The following SYNRG variants were observed in gnomAD, a reference collection of about 807,000 sequenced individuals.
SYNRG encodes AP1 gamma subunit binding protein 1.
A neutral mutation model predicts 130.9 loss-of-function variants in SYNRG; 37 were observed. That is an observed-to-expected ratio of 0.28 (90% CI 0.22 to 0.37). The LOEUF is 0.37. Ranked by LOEUF, SYNRG falls within the 10% of genes least tolerant of loss-of-function variation. The pLI, the probability that SYNRG is intolerant of heterozygous loss-of-function variation, is 1.00. For synonymous variants in SYNRG, 539 were observed against 568.1 expected (o/e 0.95, Z 0.73); for missense variants, 1,338 against 1,588.9 (o/e 0.84, Z 2.68).
rs1273854691 is a variant in SYNRG at position 37,518,943 on chromosome 17, G to A, written c.3942C>T (p.Leu1314=). 3 of 1,613,718 alleles carry A rather than the reference G, an allele frequency of 1.9e-6. No individual in the cohort carries two copies. Among genetic ancestry groups the A allele is most frequent in the Non-Finnish European group, 2.5e-6 (3 of 1,179,910 alleles). Residue 1314 remains leucine (L), a synonymous_variant, in exon 22 of 22, where the codon CTC becomes CTT. Transcript: ENST00000612223. The part of the protein sequence containing the change: ...KPPGLVLPDL[L] ...CAATGCTTCACAGAGGAGTTGTTCA[G>A]AGCAGGTCAGGCAGGACGAGGCCAG... is the stretch of plus-strand genomic sequence containing the variant.
At chr17:37,541,936 A>T in intron 15 of SYNRG, 36 bp downstream of exon 15, 1 of 1,570,394 alleles carries the variant, frequency 6.4e-7, no homozygotes, top group Non-Finnish European at 8.7e-7. Context: ...GTGGAAAAAA[A>T]CCACAATAGT....
intron 3 of SYNRG, among the ~76,000 whole-genome samples, chr17:37,595,002 C>G (rs1284598162): frequency 6.6e-6 from 1 of 152,182 alleles, no homozygotes; most frequent in African/African-American, 2.4e-5. Context: ...GGAGCAGAGT[C>G]AGCACTAACC....
chr17:37,607,955 C>CAAAAAAAAAAAAAAAAAAAAAAAAA (rs67822733), intron 1 of SYNRG, among the ~76,000 whole-genome samples: 1 of 51,122 alleles, frequency 2.0e-5, no homozygotes, highest in Non-Finnish European at 4.4e-5. Flanking sequence ...GACTTCCTCT[C>CAAAAAAAAAAAAAAAAAAAAAAAAA]AAAAAAAAAA....
intron 14 of SYNRG, among the ~76,000 whole-genome samples, chr17:37,547,802 TGAACAACAGAGTGACTATA>T (rs1190624049): frequency 6.6e-6 from 1 of 152,202 alleles, no homozygotes; most frequent in African/African-American, 2.4e-5. Context: ...GATTCTGATG[TGAACAACAGAGTGACTATA>T]GAACAACAGA....
chr17:37,568,359 AAT>A (rs2060153396), intron 11 of SYNRG: 1 of 153,644 alleles, frequency 6.5e-6, no homozygotes, highest in African/African-American at 2.4e-5. Flanking sequence ...ATATACAAGA[AAT>A]GTGAATGAAT....
At chr17:37,559,690 C>CA (rs904058728) in intron 13 of SYNRG, among the ~76,000 whole-genome samples, 121 of 147,050 alleles carry the variant, frequency 8.2e-4, no homozygotes, top group Middle Eastern at 3.5e-3. Flanking sequence ...AACTCTGTTT[C>CA]AAAAAAAAAA....
At chr17:37,538,302 A>C in intron 18 of SYNRG, 22 bp downstream of exon 18, 1 of 1,533,208 alleles carries the variant, frequency 6.5e-7, no homozygotes, top group South Asian at 1.2e-5. Flanking sequence ...CATTTTCAAT[A>C]GTAAAATATG....
At chr17:37,519,683 T>A (rs1259343619) in intron 21 of SYNRG, among the ~76,000 whole-genome samples, 1 of 151,992 alleles carries the variant, frequency 6.6e-6, no homozygotes, top group Non-Finnish European at 1.5e-5. Context: ...ATTAAACACA[T>A]AAGAATTATT....
intron 11 of SYNRG, among the ~76,000 whole-genome samples, chr17:37,563,010 G>C (rs954375274): frequency 6.6e-6 from 1 of 151,776 alleles, no homozygotes; most frequent in African/African-American, 2.4e-5. Context: ...AACAACAACA[G>C]AATCTTTAGG....
At chr17:37,550,550 A>C (rs1445670057) in intron 14 of SYNRG, among the ~76,000 whole-genome samples, 1 of 152,232 alleles carries the variant, frequency 6.6e-6, no homozygotes, top group East Asian at 1.9e-4. Flanking sequence ...TACAGATCAC[A>C]AAAGAGAGTG....
At chr17:37,606,787 G>A (rs2063785333) in intron 1 of SYNRG, among the ~76,000 whole-genome samples, 1 of 152,084 alleles carries the variant, frequency 6.6e-6, no homozygotes, top group South Asian at 2.1e-4. Flanking sequence ...ACGTTATTGT[G>A]TTTTGCTTAG....
intron 1 of SYNRG, among the ~76,000 whole-genome samples, chr17:37,608,961 G>C (rs2064094720): frequency 6.6e-6 from 1 of 151,974 alleles, no homozygotes; most frequent in African/African-American, 2.4e-5. Context: ...GACTAGGAGC[G>C]GAGTCGCGGT....
At chr17:37,583,035 G>C (rs1257826648) in intron 6 of SYNRG, among the ~76,000 whole-genome samples, 1 of 151,188 alleles carries the variant, frequency 6.6e-6, no homozygotes, top group African/African-American at 2.4e-5. Context: ...CTGTCGTCCA[G>C]GCTGGAGTGC....
intron 1 of SYNRG, among the ~76,000 whole-genome samples, chr17:37,603,264 G>C (rs1176345977): frequency 6.6e-6 from 1 of 152,074 alleles, no homozygotes; most frequent in Non-Finnish European, 1.5e-5. Context: ...AGCACTTTGG[G>C]GGGCCAAAGT....
At chr17:37,574,558 A>G (rs929767657) in intron 8 of SYNRG, among the ~76,000 whole-genome samples, 2 of 152,186 alleles carry the variant, frequency 1.3e-5, no homozygotes, top group African/African-American at 4.8e-5. Flanking sequence ...TCAATACAAA[A>G]AAAGCTAATA....
intron 2 of SYNRG, 138 bp downstream of exon 2, chr17:37,600,225 G>T: frequency 1.5e-6 from 1 of 664,606 alleles, no homozygotes; most frequent in South Asian, 2.1e-5. Context: ...TGTCATATAG[G>T]ACATACAGGT....
At chr17:37,539,527 CAT>C (rs898618135) in intron 16 of SYNRG, among the ~76,000 whole-genome samples, 10 of 152,138 alleles carry the variant, frequency 6.6e-5, no homozygotes, top group African/African-American at 1.9e-4. Context: ...CGCACCACCA[CAT>C]GAGGCTAATT....
chr17:37,551,897 AAGT>A (rs2058738271), intron 14 of SYNRG, among the ~76,000 whole-genome samples: 1 of 151,980 alleles, frequency 6.6e-6, no homozygotes, highest in Non-Finnish European at 1.5e-5. Flanking sequence ...AAAAGACAGA[AAGT>A]AGACAGTCAA....
At chr17:37,574,587 C>A (rs2060664886) in intron 8 of SYNRG, among the ~76,000 whole-genome samples, 1 of 152,016 alleles carries the variant, frequency 6.6e-6, no homozygotes, top group Non-Finnish European at 1.5e-5. Context: ...TTAAAATGGG[C>A]AAGACAACTG....
Sources: gnomAD v4.1 joint callset for allele counts (sites outside exome capture counted in the v4.1 genomes callset) on GRCh38, gnomAD v4.1.1 for gene constraint, MANE v1.5 for transcripts, NCBI Gene and HGNC (gene_info 2026-07-23, HGNC 2026-07-21) for gene names.